Variants in MEGF10 observed in about 807,000 individuals in gnomAD.
The protein encoded by MEGF10 is multiple epidermal growth factor-like domains protein 10.
Under a neutral mutation model 147.5 loss-of-function variants are expected in MEGF10, and 86 were observed. The ratio of observed to expected loss-of-function variants is 0.58; its 90% CI spans 0.49 to 0.70. The LOEUF is 0.70. MEGF10 is among the 30% of genes least tolerant of loss of function. The pLI, the probability that MEGF10 is intolerant of heterozygous loss-of-function variation, is 0.00. For synonymous variants in MEGF10, 478 were observed against 525.5 expected, an observed-to-expected ratio of 0.91 and a Z score of 1.24; for missense variants, 1,329 against 1,487.3, an observed-to-expected ratio of 0.89 and a Z score of 1.75.
rs571288542 is a variant in MEGF10 at position 127,371,752 on chromosome 5, G to A, written c.412+1750G>A. Among the ~76,000 whole-genome samples the A allele has an allele frequency of 9.9e-5, 15 of 152,280 alleles. No homozygotes were observed. The South Asian group carries it at 2.5e-3, about 25-fold the overall frequency. On this transcript the variant is annotated intron_variant, in intron 5 of 24. Transcript: ENST00000503335. ...GAAAATAAACCGTTGCTTTATTTTG[G>A]AGTTTAATGAAGACTCTAGAATTCT...
chr5:127,421,352 C>G (rs559614460), intron 12 of MEGF10, among the ~76,000 whole-genome samples: 1 of 152,308 alleles, frequency 6.6e-6, no homozygotes, highest in East Asian at 1.9e-4. Context: ...CTTATTTTAA[C>G]AAGTTCTAGA....
chr5:127,439,641 G>A (rs1056903940), intron 17 of MEGF10, among the ~76,000 whole-genome samples: 18 of 152,176 alleles, frequency 1.2e-4, no homozygotes, highest in East Asian at 5.8e-4. Flanking sequence ...AAATTAGAAC[G>A]TGCTTCAAAG....
intron 5 of MEGF10, among the ~76,000 whole-genome samples, chr5:127,394,975 T>C (rs545137067): frequency 6.6e-6 from 1 of 152,342 alleles, no homozygotes; most frequent in East Asian, 1.9e-4. Context: ...ACGAATTCAG[T>C]ACTTCTGATG....
the MEGF10 span, chr5:127,229,450 GC>G: frequency 4.6e-5 from 7 of 152,042 alleles, no homozygotes; most frequent in Admixed American, 4.6e-4. Flanking sequence ...GGGTCACCTC[GC>G]CGGGTCGAGG....
At chr5:127,358,268 C>T (rs1018643567) in intron 4 of MEGF10, among the ~76,000 whole-genome samples, 2 of 151,952 alleles carry the variant, frequency 1.3e-5, no homozygotes, top group African/African-American at 4.8e-5. Flanking sequence ...GAGGAAATGT[C>T]CAGGGACCAC....
chr5:127,280,775 T>C, the MEGF10 span, among the ~76,000 whole-genome samples: 1 of 152,138 alleles, frequency 6.6e-6, no homozygotes, highest in Non-Finnish European at 1.5e-5. Flanking sequence ...GAGGCATGCA[T>C]TTTCCTCATT....
chr5:127,323,918 A>G (rs568046437), intron 1 of MEGF10, among the ~76,000 whole-genome samples: 28 of 152,326 alleles, frequency 1.8e-4, no homozygotes, highest in African/African-American at 6.5e-4. Flanking sequence ...CTGCTTGAGC[A>G]TCCGAATATC....
chr5:127,255,957 C>G, the MEGF10 span, among the ~76,000 whole-genome samples: 3 of 152,114 alleles, frequency 2.0e-5, no homozygotes, highest in South Asian at 6.2e-4. Context: ...CAGAACTGAC[C>G]TAGGGAGGAA....
At chr5:127,253,914 T>A in the MEGF10 span, among the ~76,000 whole-genome samples, 3 of 152,224 alleles carry the variant, frequency 2.0e-5, no homozygotes, top group East Asian at 5.8e-4. Flanking sequence ...TAATGTAATT[T>A]GAGAAAAAAT....
chr5:127,363,657 ACAATTGG>A (rs766296688), intron 4 of MEGF10, among the ~76,000 whole-genome samples: 1 of 152,232 alleles, frequency 6.6e-6, no homozygotes, highest in Non-Finnish European at 1.5e-5. Flanking sequence ...CATTGGGTGT[ACAATTGG>A]CAATGTCTGC....
intron 1 of MEGF10, among the ~76,000 whole-genome samples, chr5:127,310,514 C>T (rs1190114559): frequency 6.6e-6 from 1 of 151,826 alleles, no homozygotes; most frequent in African/African-American, 2.4e-5. Flanking sequence ...TAAGGATAGC[C>T]CCTTTCTCTG....
chr5:127,396,098 A>G (rs1763899825), intron 5 of MEGF10, among the ~76,000 whole-genome samples: 1 of 152,000 alleles, frequency 6.6e-6, no homozygotes, highest in African/African-American at 2.4e-5. Context: ...TTCACTACCA[A>G]TCCCTTGTTC....
intron 1 of MEGF10, among the ~76,000 whole-genome samples, chr5:127,307,778 T>TAA (rs145726992): frequency 1.2e-4 from 18 of 152,142 alleles, no homozygotes; most frequent in African/African-American, 4.3e-4. Context: ...CTTACAAATT[T>TAA]AAAAAAAGGA....
At chr5:127,376,960 G>A (rs1016962841) in intron 5 of MEGF10, among the ~76,000 whole-genome samples, 4 of 151,460 alleles carry the variant, frequency 2.6e-5, no homozygotes, top group African/African-American at 9.7e-5. Context: ...CAGCAACAGT[G>A]AGGAGAATGA....
chr5:127,348,743 A>T (rs1156316747), intron 4 of MEGF10, among the ~76,000 whole-genome samples: 2 of 152,204 alleles, frequency 1.3e-5, no homozygotes, highest in African/African-American at 2.4e-5. Context: ...ACACATTAAG[A>T]AGCCTTTGAC....
chr5:127,416,271 G>T (rs947450251), intron 9 of MEGF10, among the ~76,000 whole-genome samples: 4 of 151,678 alleles, frequency 2.6e-5, no homozygotes, highest in African/African-American at 9.7e-5. Context: ...CTCGTGATCC[G>T]CCCGCCTCAG....
At position 127,422,736 on chromosome 5, in the gene MEGF10, A is replaced by G. The variant is rs766247007; in HGVS notation, c.1657A>G (p.Thr553Ala). The G allele has an allele frequency of 6.2e-7, 1 of 1,613,984 alleles. No homozygotes were observed. Among genetic ancestry groups the G allele is most frequent in the South Asian group, 1.1e-5 (1 of 91,066 alleles). ...CAGCCACGCAGATGGCTGCCACCCT[A>G]CCACGGGCCATTGCCGCTGCCTCCC... ...DCSHADGCHPTTGHCRCLPGW... is the reference protein window; with the variant it reads ...DCSHADGCHPATGHCRCLPGW... Residue 553 changes from threonine (T) to alanine (A), a missense_variant, in exon 13 of 25, where the codon ACC becomes GCC. Physicochemically the swap from Thr to Ala is moderately conservative, Grantham distance 58 (BLOSUM62 0). This residue lies in a region of MEGF10 where 980 missense variants were observed against 1,085.9 expected (regional missense o/e 0.90). Coordinates refer to ENST00000503335, the MANE Select transcript of MEGF10 (RefSeq NM_001256545.2).
intron 19 of MEGF10, chr5:127,444,443 T>C (rs1481187408): frequency 8.5e-5 from 13 of 152,202 alleles, no homozygotes; most frequent in Non-Finnish European, 1.6e-4. Flanking sequence ...GCAGATTGTT[T>C]TGTAAAAAGG....
chr5:127,396,649 G>T lies in MEGF10; in HGVS notation c.530G>T (p.Arg177Leu). Residue 177 changes from arginine to leucine, a missense_variant, in exon 6 of 25, where the codon CGC (arginine) becomes CTC (leucine). Physicochemically the swap from Arg to Leu is moderately radical, Grantham distance 102. Coordinates refer to ENST00000503335, the MANE Select transcript of MEGF10 (RefSeq NM_001256545.2). ...TGTGCTGCGGGCTTCCGGGGCTGGC[G>T]CTGCGAGGACCGCTGTGAGCAGGGC... ...CHCAAGFRGW[R>L]CEDRCEQGTY... 3 of 1,614,052 alleles carry T rather than the reference G, an allele frequency of 1.9e-6. No homozygotes were observed. Among genetic ancestry groups the T allele is most frequent in the Non-Finnish European group, 2.5e-6 (3 of 1,180,016 alleles).
Sources: allele counts gnomAD v4.1 joint callset (sites outside exome capture counted in the v4.1 genomes callset), GRCh38; gene constraint gnomAD v4.1.1; regional missense constraint gnomAD v4.1.1; transcripts MANE v1.5; gene names NCBI Gene and HGNC (gene_info 2026-07-23, HGNC 2026-07-21).